Variants in MYO18B observed in about 807,000 individuals in gnomAD.
MYO18B encodes the protein myosin XVIIIB.
MYO18B carries 204 observed loss-of-function variants against 273.0 expected under a neutral mutation model. The ratio of observed to expected loss-of-function variants is 0.75; its 90% CI spans 0.67 to 0.84. The LOEUF (loss-of-function observed/expected upper bound fraction) is 0.84. Ranked by LOEUF, MYO18B falls within the 40% of genes least tolerant of loss-of-function variation. The pLI, the probability that MYO18B is intolerant of heterozygous loss-of-function variation, is 0.00. For synonymous variants in MYO18B, 1,330 were observed against 1,305.7 expected (o/e 1.02, Z -0.40); for missense variants, 3,212 against 3,287.6 (o/e 0.98, Z 0.56).
chr22:25,848,128 A>T (rs2090315319), intron 20 of MYO18B, among the ~76,000 whole-genome samples: 1 of 152,098 alleles, frequency 6.6e-6, no homozygotes, highest in African/African-American at 2.4e-5. Flanking sequence ...TTAGCCATGA[A>T]TTTCTAAGGA....
intron 31 of MYO18B, among the ~76,000 whole-genome samples, chr22:25,904,405 A>C (rs2146352254): frequency 6.6e-6 from 1 of 152,206 alleles, no homozygotes; most frequent in Admixed American, 6.5e-5. Context: ...ATGTAGGGAG[A>C]TCTTAGTATT....
At chr22:25,838,864 C>A (rs2089987024) in intron 17 of MYO18B, among the ~76,000 whole-genome samples, 1 of 106,124 alleles carries the variant, frequency 9.4e-6, no homozygotes. Flanking sequence ...TGTGTGTGAA[C>A]ATGTTTGTGT....
intron 1 of MYO18B, among the ~76,000 whole-genome samples, chr22:25,757,586 CAAA>C (rs1047600673): frequency 7.3e-6 from 1 of 137,744 alleles, no homozygotes; most frequent in Non-Finnish European, 1.6e-5. Flanking sequence ...GACTGCATAT[CAAA>C]AAAAAAAAAG....
In MYO18B at chr22:25,768,445, C is replaced by T. The variant is rs374203426; in HGVS notation, c.529C>T (p.Pro177Ser). Residue 177 changes from proline to serine, a missense_variant, in exon 4 of 44, where the codon CCT becomes TCT. Pro to Ser is a moderately conservative substitution (Grantham distance 74). Coordinates refer to ENST00000335473, the MANE Select transcript of MYO18B (RefSeq NM_032608.7). ...PEKTHPHDAPPCKTSPPATDT... is the reference protein window; with the variant it reads ...PEKTHPHDAPSCKTSPPATDT... ...GAAGACTCATCCCCATGACGCCCCC[C>T]CTTGCAAGACCTCTCCCCCCGCCAC... 4.5e-6 allele frequency: 6 copies of T among 1,333,614 alleles called. No homozygotes were observed. The African/African-American group carries it at 5.8e-5, about 13-fold the overall frequency. 82.6% of individuals were successfully genotyped at this position (1,333,614 alleles called of 1,614,324 possible).
chr22:26,044,358 A>C, the MYO18B span, among the ~76,000 whole-genome samples: 1 of 152,124 alleles, frequency 6.6e-6, no homozygotes, highest in Non-Finnish European at 1.5e-5. Context: ...TTTTTCCTTC[A>C]TGATTCATGC....
In MYO18B at chr22:25,932,517, C is replaced by T. The variant is rs368867258; in HGVS notation, c.5517+11108C>T. Among the ~76,000 whole-genome samples the T allele has an allele frequency of 1.5e-4, 22 of 151,516 alleles. 1 individual carries two copies. The highest frequency in any genetic ancestry group is 9.2e-4 in the Admixed American group (14 of 15,214). On this transcript the variant is annotated intron_variant, in intron 34 of 43. Coordinates refer to ENST00000335473, the MANE Select transcript of MYO18B (RefSeq NM_032608.7). Reference sequence around the variant, plus strand: ...TCTGCCTCCTGGGTTCAAGCGATTCCGCTGTCTCAGCCTCCCAAGTAGCTG... The same window carrying T: ...TCTGCCTCCTGGGTTCAAGCGATTCTGCTGTCTCAGCCTCCCAAGTAGCTG...
At chr22:25,822,649 T>G (rs998434533) in intron 12 of MYO18B, among the ~76,000 whole-genome samples, 8 of 152,160 alleles carry the variant, frequency 5.3e-5, no homozygotes, top group Non-Finnish European at 8.8e-5. Context: ...CAGACAAAAC[T>G]CCTCAGACAC....
intron 34 of MYO18B, among the ~76,000 whole-genome samples, chr22:25,924,781 TC>T (rs1244247123): frequency 6.6e-6 from 1 of 152,132 alleles, no homozygotes; most frequent in Admixed American, 6.5e-5. Context: ...TGAGGGAATA[TC>T]CTTAGAAGGC....
intron 18 of MYO18B, 60 bp downstream of exon 18, chr22:25,843,954 C>T: frequency 6.6e-7 from 1 of 1,505,808 alleles, no homozygotes; most frequent in South Asian, 1.2e-5. Context: ...GTTTTCCTTC[C>T]CACCTAAACT....
In MYO18B at chr22:25,887,978, TG is replaced by T; in HGVS notation, c.4315-2774del. Among the ~76,000 whole-genome samples the T allele has an allele frequency of 1.3e-5, 2 of 152,272 alleles. 1 individual carries two copies. Reference sequence around the variant, plus strand: ...TAATGCTAATTTCAAGGATGGTGTTTGGGGTGTGACCTGGGGCATTCCTGGC... The same window carrying T: ...TAATGCTAATTTCAAGGATGGTGTTTGGGTGTGACCTGGGGCATTCCTGGC... On this transcript the variant is annotated intron_variant, in intron 25 of 43. Coordinates refer to ENST00000335473, the MANE Select transcript of MYO18B (RefSeq NM_032608.7).
the MYO18B span, among the ~76,000 whole-genome samples, chr22:26,045,053 T>A: frequency 6.6e-6 from 1 of 151,780 alleles, no homozygotes; most frequent in Non-Finnish European, 1.5e-5. Flanking sequence ...GTGACTGTTT[T>A]TTTTTGTTTT....
intron 33 of MYO18B, among the ~76,000 whole-genome samples, chr22:25,913,777 T>C (rs1252323527): frequency 6.6e-6 from 1 of 152,274 alleles, no homozygotes; most frequent in Non-Finnish European, 1.5e-5. Context: ...TTTGGTTACG[T>C]ATTTTGCAAA....
chr22:25,910,153 T>A (rs935716237), intron 32 of MYO18B, among the ~76,000 whole-genome samples: 2 of 152,148 alleles, frequency 1.3e-5, no homozygotes, highest in East Asian at 3.9e-4. Flanking sequence ...GATGTCTGAG[T>A]TCAGGCTGCT....
the MYO18B span, among the ~76,000 whole-genome samples, chr22:26,054,343 G>A: frequency 3.3e-5 from 5 of 152,164 alleles, no homozygotes; most frequent in Non-Finnish European, 7.3e-5. Context: ...CCTTTTGCAA[G>A]TCCTGTGTGC....
chr22:25,852,674 T>A (rs1299632326), intron 21 of MYO18B, among the ~76,000 whole-genome samples: 4 of 152,240 alleles, frequency 2.6e-5, no homozygotes, highest in African/African-American at 9.6e-5. Flanking sequence ...TTTCTTAAGA[T>A]GAAGTGGCAC....
intron 33 of MYO18B, among the ~76,000 whole-genome samples, chr22:25,912,224 A>T (rs2092171953): frequency 6.6e-6 from 1 of 152,194 alleles, no homozygotes. Flanking sequence ...TGAGGGAGTC[A>T]ATATAATCTT....
downstream of MYO18B, among the ~76,000 whole-genome samples, chr22:26,031,882 C>T (rs5752257): frequency 0.038 from 5,824 of 152,260 alleles, 138 homozygotes; most frequent in South Asian, 0.1. Context: ...TTGAATCCAC[C>T]ATCCACCTCT....
chr22:25,813,780 A>G (rs1201592548), intron 12 of MYO18B, among the ~76,000 whole-genome samples: 2 of 152,150 alleles, frequency 1.3e-5, no homozygotes, highest in African/African-American at 4.8e-5. Context: ...CATGTGGCCT[A>G]GCATCCTGGA....
At position 25,903,691 on chromosome 22, in the gene MYO18B, C is replaced by T. The variant is rs768378762; in HGVS notation, c.5008C>T (p.Arg1670Trp). The T allele has an allele frequency of 1.2e-5, 19 of 1,609,606 alleles. No homozygotes were observed. The highest frequency in any genetic ancestry group is 6.7e-5 in the East Asian group (3 of 44,742). The change falls in exon 31 of 44, where the codon CGG (arginine) becomes TGG (tryptophan). Residue 1670 changes from arginine (R) to tryptophan (W), a missense_variant. Coordinates refer to ENST00000335473, the MANE Select transcript of MYO18B (RefSeq NM_032608.7). ...GGTGGAGATGCTACAGGACCATAAA[C>T]GGGAGCTGCTGGGGTCACCCTCTCT... ...QQVEMLQDHK[R>W]ELLGSPSLGE...
Sources: gnomAD v4.1 joint callset for allele counts (sites outside exome capture counted in the v4.1 genomes callset) on GRCh38, gnomAD v4.1.1 for gene constraint, MANE v1.5 for transcripts, NCBI Gene and HGNC (gene_info 2026-07-23, HGNC 2026-07-21) for gene names.